The following NBAS variants were observed in gnomAD, a reference collection of about 807,000 sequenced individuals.
NBAS encodes the protein NAG/BC035112 fusion.
NBAS carries 219 observed loss-of-function variants against 302.5 expected under a neutral mutation model. The observed-to-expected ratio is 0.72, with a 90% confidence interval of 0.65 to 0.81. The LOEUF (loss-of-function observed/expected upper bound fraction) is 0.81, where lower values mean the gene tolerates loss of function less well. NBAS is among the 30% of genes least tolerant of loss of function. The probability of loss-of-function intolerance (pLI) is 0.00; values close to 1 mark genes in which losing one functional copy is unlikely to be tolerated. For synonymous variants in NBAS, 1,118 were observed against 1,021.6 expected (o/e 1.09, Z -1.80); for missense variants, 2,932 against 2,841.6 (o/e 1.03, Z -0.72).
Position 15,552,793 on chromosome 2 carries a change from ATTT to A in NBAS, c.335+630_335+632del, listed in dbSNP as rs140817288. On this transcript the variant is annotated intron_variant, in intron 5 of 51. Transcript: ENST00000281513. Reference sequence around the variant, plus strand: ...GTACCAACAGAGAAAAAGCATACCTATTTTTTTTTTTTTTTTTTGAGACAGAGT... The same window carrying A: ...GTACCAACAGAGAAAAAGCATACCTATTTTTTTTTTTTTTTGAGACAGAGT... 2.1e-3 allele frequency among the ~76,000 whole-genome samples: 278 copies of A among 129,386 alleles called. 1 individual carries two copies. Among genetic ancestry groups the A allele is most frequent in the Middle Eastern group, 4.1e-3 (1 of 246 alleles). 84.9% of individuals were successfully genotyped at this position (129,386 alleles called of 152,430 possible).
At chr2:15,291,305 T>C (rs1239238360) in intron 41 of NBAS, among the ~76,000 whole-genome samples, 1 of 152,212 alleles carries the variant, frequency 6.6e-6, no homozygotes, top group African/African-American at 2.4e-5. Flanking sequence ...TTTTCTTAAC[T>C]ATAAACTAGG....
Position 15,345,227 on chromosome 2 carries a change from T to A in NBAS, c.4179+6765A>T, listed in dbSNP as rs147759857. Among the ~76,000 whole-genome samples, 1,286 of 152,288 alleles carry A rather than the reference T, an allele frequency of 8.4e-3. 18 individuals carry two copies. Among genetic ancestry groups the A allele is most frequent in the East Asian group, 0.059 (303 of 5,174 alleles). On this transcript the variant is annotated intron_variant, in intron 35 of 51. Transcript: ENST00000281513. ...GACAGGAAGTCAAATTGTCTCTGTT[T>A]GCAGACGACCTGATTTTGTATTTAG...
At chr2:14,971,949 C>T in the NBAS span, among the ~76,000 whole-genome samples, 1 of 152,092 alleles carries the variant, frequency 6.6e-6, no homozygotes. Flanking sequence ...CTATAGTCAC[C>T]AGTACATAAA....
the NBAS span, among the ~76,000 whole-genome samples, chr2:14,978,139 T>C: frequency 1.3e-5 from 2 of 152,118 alleles, no homozygotes; most frequent in Non-Finnish European, 2.9e-5. Context: ...TCTCTTCTTA[T>C]AAAAATTCCA....
Position 15,316,788 on chromosome 2 carries a change from G to A in NBAS, c.4583-7541C>T, listed in dbSNP as rs570013832. On this transcript the variant is annotated intron_variant, in intron 38 of 51. Coordinates refer to ENST00000281513, the MANE Select transcript of NBAS (RefSeq NM_015909.4). ...TACTGCCTCTACAGACTCCACATCC[G>A]TGGGCAGGGCACAGCTGAACAAAAG... 1.8e-3 allele frequency among the ~76,000 whole-genome samples: 279 copies of A among 152,320 alleles called. 2 individuals are homozygous for A. Among genetic ancestry groups the A allele is most frequent in the Admixed American group, 7.0e-3 (107 of 15,302 alleles).
the NBAS span, among the ~76,000 whole-genome samples, chr2:15,034,260 G>GA: frequency 3.1e-5 from 3 of 98,034 alleles, no homozygotes; most frequent in African/African-American, 8.7e-5. Flanking sequence ...AAGAAAGAAA[G>GA]AAAGAAAGAA....
At chr2:15,510,214 T>C (rs1662075835) in intron 10 of NBAS, among the ~76,000 whole-genome samples, 1 of 152,242 alleles carries the variant, frequency 6.6e-6, no homozygotes, top group African/African-American at 2.4e-5. Context: ...GTGGCCAGGA[T>C]GGTAAACATA....
chr2:14,967,698 C>A, the NBAS span, among the ~76,000 whole-genome samples: 1 of 152,056 alleles, frequency 6.6e-6, no homozygotes, highest in South Asian at 2.1e-4. Flanking sequence ...AGTAAAGGAA[C>A]AAAAGATAAA....
intron 22 of NBAS, among the ~76,000 whole-genome samples, 164 bp from the exon 23 acceptor site, chr2:15,424,632 T>C (rs1324417222): frequency 1.3e-5 from 2 of 152,216 alleles, no homozygotes; most frequent in Admixed American, 6.5e-5. Flanking sequence ...CCTTACAAGA[T>C]AAATGAGACT....
At chr2:15,373,067 T>C (rs1173225313) in intron 31 of NBAS, among the ~76,000 whole-genome samples, 6 of 152,120 alleles carry the variant, frequency 3.9e-5, no homozygotes, top group East Asian at 1.9e-4. Flanking sequence ...TTGACTAAAA[T>C]TGCAATTAAA....
the NBAS span, among the ~76,000 whole-genome samples, chr2:14,850,923 C>G: frequency 4.1e-4 from 57 of 138,102 alleles, no homozygotes; most frequent in African/African-American, 1.7e-3. Flanking sequence ...GGGACACATT[C>G]AAAGCAGTGT....
the NBAS span, among the ~76,000 whole-genome samples, chr2:14,913,590 A>G: frequency 6.6e-6 from 1 of 152,196 alleles, no homozygotes; most frequent in Non-Finnish European, 1.5e-5. Context: ...GAGGTATAGG[A>G]AGCCATTAAT....
chr2:15,464,201 T>C (rs1401352119), intron 19 of NBAS, among the ~76,000 whole-genome samples: 27 of 152,208 alleles, frequency 1.8e-4, no homozygotes. Flanking sequence ...TCAACGCTAC[T>C]ACATTTCCCT....
chr2:15,106,451 G>GTCTCTCTCTCTCTCTCTCTCTCTCTC, the NBAS span, among the ~76,000 whole-genome samples: 25 of 147,848 alleles, frequency 1.7e-4, no homozygotes, highest in African/African-American at 6.3e-4. Flanking sequence ...CTCTGTCTCT[G>GTCTCTCTCTCTCTCTCTCTCTCTCTC]TCTCTCTCTC....
chr2:14,879,558 C>A, the NBAS span, among the ~76,000 whole-genome samples: 1 of 151,974 alleles, frequency 6.6e-6, no homozygotes, highest in East Asian at 1.9e-4. Flanking sequence ...AAACAGATTA[C>A]AAATCTGTTT....
chr2:15,203,141 A>G (rs1665958978), intron 48 of NBAS, among the ~76,000 whole-genome samples: 2 of 152,200 alleles, frequency 1.3e-5, no homozygotes, highest in African/African-American at 4.8e-5. Context: ...TACCATACAG[A>G]CATACACATA....
intron 9 of NBAS, among the ~76,000 whole-genome samples, chr2:15,518,412 T>G (rs528497807): frequency 6.6e-5 from 10 of 152,188 alleles, no homozygotes. Context: ...CCTGGAATAT[T>G]TACATGCAGT....
chr2:15,250,645 CA>C (rs1444696996), intron 44 of NBAS, among the ~76,000 whole-genome samples: 3 of 152,108 alleles, frequency 2.0e-5, no homozygotes, highest in Non-Finnish European at 4.4e-5. Flanking sequence ...AAAAAGTGGG[CA>C]AAGGATATGA....
intron 44 of NBAS, among the ~76,000 whole-genome samples, chr2:15,266,837 T>C (rs1343950300): frequency 1.3e-5 from 2 of 152,166 alleles, no homozygotes; most frequent in Admixed American, 1.3e-4. Flanking sequence ...CAAATGTATT[T>C]CTAGTCCCTA....
Sources: allele counts gnomAD v4.1 joint callset (sites outside exome capture counted in the v4.1 genomes callset), GRCh38; gene constraint gnomAD v4.1.1; transcripts MANE v1.5; gene names NCBI Gene and HGNC (gene_info 2026-07-23, HGNC 2026-07-21).